WWP2: variants seen among roughly 807,000 people sequenced by gnomAD.
WWP2 encodes WW domain containing E3 ubiquitin protein ligase 2, also known as NEDD4-like E3 ubiquitin-protein ligase WWP2.
In WWP2, 57 loss-of-function variants were observed where a neutral mutation model predicts 121.0. The observed-to-expected ratio is 0.47, with a 90% CI of 0.38 to 0.59. The LOEUF (loss-of-function observed/expected upper bound fraction) is 0.59. Ranked by LOEUF, WWP2 falls within the 20% of genes least tolerant of loss-of-function variation. The pLI is 0.00. For missense variants in WWP2, 962 were observed against 1,158.9 expected (o/e 0.83, Z 2.47); for synonymous variants, 449 against 441.3 (o/e 1.02, Z -0.22).
rs750013131 is a variant in WWP2 at position 69,799,123 on chromosome 16, G to C, written c.219-51G>C. 3.8e-6 allele frequency: 6 copies of C among 1,571,822 alleles called. No homozygotes were observed. The South Asian group carries it at 7.1e-5, about 19-fold the overall frequency. On this transcript the variant is annotated intron_variant, in intron 3 of 23. Transcript: ENST00000359154. The surrounding 1 kb of genome is among the most constrained non-coding windows in gnomAD (Gnocchi z 4.5). The stretch of plus-strand genomic sequence containing the variant: ...GTTTAGTTTAAATGTTTTCTTCTAA[G>C]TTATAGGAATGATCTGCTTGGATGT...
At chr16:69,938,614 C>G (rs1296697039) in intron 21 of WWP2, among the ~76,000 whole-genome samples, 1 of 152,036 alleles carries the variant, frequency 6.6e-6, no homozygotes, top group Non-Finnish European at 1.5e-5. Context: ...CCACTGCACT[C>G]CAGCCTGGGC....
intron 9 of WWP2, 157 bp from the exon 10 acceptor site, chr16:69,917,552 T>C: frequency 7.9e-6 from 6 of 754,792 alleles, no homozygotes; most frequent in Non-Finnish European, 1.0e-5. Context: ...GATTGGGTGC[T>C]GCAGAGGCAA....
intron 6 of WWP2, among the ~76,000 whole-genome samples, chr16:69,857,984 G>T (rs1330852815): frequency 1.3e-5 from 2 of 151,972 alleles, no homozygotes; most frequent in African/African-American, 4.8e-5. Flanking sequence ...ATGACACAAA[G>T]AAAATTTAAT....
rs142732281 is a variant in WWP2 at position 69,859,268 on chromosome 16, C to T, written c.576-12536C>T. ...GGAAGAATTCATATCAAAGGTCATTCAGGGCTGGGCACAGTGGCTCACGCC... is the reference window on the plus strand; with the variant it reads ...GGAAGAATTCATATCAAAGGTCATTTAGGGCTGGGCACAGTGGCTCACGCC... On this transcript the variant is annotated intron_variant, in intron 6 of 23. Coordinates refer to ENST00000359154, the MANE Select transcript of WWP2 (RefSeq NM_001270454.2). 4.4e-3 allele frequency among the ~76,000 whole-genome samples: 666 copies of T among 152,260 alleles called. 5 individuals carry two copies. Among genetic ancestry groups the T allele is most frequent in the Non-Finnish European group, 7.9e-3 (540 of 68,016 alleles).
intron 4 of WWP2, among the ~76,000 whole-genome samples, chr16:69,810,148 C>T (rs1169445495): frequency 6.6e-6 from 1 of 152,246 alleles, no homozygotes; most frequent in Admixed American, 6.5e-5. Context: ...CTTTCATTTG[C>T]TCCCTTGTTT....
At chr16:69,762,950 G>A (rs1286825704) in intron 1 of WWP2, among the ~76,000 whole-genome samples, 1 of 151,992 alleles carries the variant, frequency 6.6e-6, no homozygotes, top group Non-Finnish European at 1.5e-5. Flanking sequence ...TGCTTCCCTC[G>A]CGCCCACTTA....
At chr16:69,879,509 G>A (rs1210017742) in intron 7 of WWP2, among the ~76,000 whole-genome samples, 3 of 151,976 alleles carry the variant, frequency 2.0e-5, no homozygotes, top group Non-Finnish European at 2.9e-5. Flanking sequence ...TTCACTTAAT[G>A]TGGCATTTTT....
chr16:69,929,599 G>A, intron 12 of WWP2, 70 bp downstream of exon 12: 1 of 1,410,182 alleles, frequency 7.1e-7, no homozygotes, highest in Non-Finnish European at 1.0e-6. Context: ...CTGGGCAGGT[G>A]GCTTTGGACT....
chr16:69,917,804 G>T lies in WWP2; in HGVS notation c.1100G>T (p.Arg367Leu). 6.2e-7 allele frequency: 1 copy of T among 1,614,082 alleles called. No individual in the cohort carries two copies. Among genetic ancestry groups the T allele is most frequent in the South Asian group, 1.1e-5 (1 of 91,090 alleles). Reference protein sequence around the residue: ...TWQRPTAEYVRNYEQWQSQRN... With the variant: ...TWQRPTAEYVLNYEQWQSQRN... ...CAGCGTCCGACCGCGGAGTACGTGC[G>T]CAACTATGAGCAGTGGCAGTCGCAG... The change falls in exon 10 of 24, where the codon CGC becomes CTC. Residue 367 changes from arginine (R) to leucine (L), a missense_variant. Around this residue, in one of 3 missense-constraint regions of WWP2, gnomAD observed 606 missense variants for 772.6 expected, o/e 0.78. Transcript: ENST00000359154.
chr16:69,938,086 G>A (rs1032657080), intron 21 of WWP2, among the ~76,000 whole-genome samples: 3 of 152,142 alleles, frequency 2.0e-5, no homozygotes, highest in South Asian at 2.1e-4. Context: ...AAAAAATAGC[G>A]ATTACAGGTA....
Position 69,937,578 on chromosome 16 carries a change from A to G in WWP2, c.2269A>G (p.Met757Val), listed in dbSNP as rs770613073. The G allele has an allele frequency of 6.2e-6, 10 of 1,613,982 alleles. No individual in the cohort carries two copies. Among genetic ancestry groups the G allele is most frequent in the Non-Finnish European group, 8.5e-6 (10 of 1,180,002 alleles). Residue 757 changes from methionine (M) to valine (V), a missense_variant, in exon 21 of 24, where the codon ATG becomes GTG. By Grantham distance (21) the Met-to-Val change is conservative. This residue lies in a region of WWP2 where 606 missense variants were observed against 772.6 expected (regional missense o/e 0.78). Transcript: ENST00000359154. This position sits in a 1 kb window ranked among gnomAD's most constrained non-coding sequence, Gnocchi z 6.6. Reference protein sequence around the residue: ...LMLCGMQEIDMSDWQKSTIYR... With the variant: ...LMLCGMQEIDVSDWQKSTIYR... ...GCTGTGCGGCATGCAGGAGATAGAC[A>G]TGAGCGACTGGCAGAAGAGCACCAT... is the stretch of plus-strand genomic sequence containing the variant.
intron 8 of WWP2, among the ~76,000 whole-genome samples, chr16:69,903,725 G>T (rs958364947): frequency 3.4e-5 from 5 of 148,700 alleles, no homozygotes. Context: ...CCGAGATTGC[G>T]CCACTGCCCT....
At chr16:69,821,539 G>A (rs983634280) in intron 4 of WWP2, among the ~76,000 whole-genome samples, 2 of 152,152 alleles carry the variant, frequency 1.3e-5, no homozygotes, top group African/African-American at 2.4e-5. Context: ...GTGAGGTGTC[G>A]GCTTTGGAAG....
At chr16:69,774,978 A>AAAAG (rs1555543957) in intron 1 of WWP2, 1 of 152,654 alleles carries the variant, frequency 6.6e-6, no homozygotes, top group Admixed American at 6.6e-5. Context: ...AAAAAAAAAA[A>AAAAG]AAAAGAAAAG....
rs184500987 is a variant in WWP2, at chr16:69,833,633, G to A, written c.341-6493G>A. Among the ~76,000 whole-genome samples, 10 of 152,356 alleles carry A rather than the reference G, an allele frequency of 6.6e-5. No individual in the cohort carries two copies. In the East Asian group the frequency reaches 1.9e-3, roughly 29 times the overall value. On this transcript the variant is annotated intron_variant, in intron 4 of 23. Coordinates refer to ENST00000359154, the MANE Select transcript of WWP2 (RefSeq NM_001270454.2). ...TAACCAGTTATTACTTAGAACAGAA[G>A]GGTGCAGTCGTATAGCTGAAGAAGT...
chr16:69,931,184 G>A lies in WWP2; in HGVS notation c.1478G>A (p.Arg493His). The A allele has an allele frequency of 2.5e-6, 4 of 1,614,138 alleles. No individual in the cohort carries two copies. The highest frequency in any genetic ancestry group is 2.5e-6 in the Non-Finnish European group (3 of 1,180,010). Residue 493 changes from arginine (R) to histidine (H), a missense_variant, in exon 14 of 24, where the codon CGC becomes CAC. By Grantham distance (29) the Arg-to-His change is conservative. Transcript: ENST00000359154. ...TKQGSPGAYD[R>H]SFRWKYHQFR... Reference sequence around the variant, plus strand: ...CAAGGTTCCCCTGGTGCTTATGACCGCAGTTTTCGGTGGAAGTATCACCAG... The same window carrying A: ...CAAGGTTCCCCTGGTGCTTATGACCACAGTTTTCGGTGGAAGTATCACCAG...
intron 4 of WWP2, among the ~76,000 whole-genome samples, chr16:69,833,915 A>G (rs139615581): frequency 1.3e-5 from 2 of 152,080 alleles, no homozygotes; most frequent in Non-Finnish European, 2.9e-5. Context: ...GGGGCTTTCT[A>G]ACTCATGCTA....
intron 7 of WWP2, among the ~76,000 whole-genome samples, chr16:69,877,566 C>T (rs76655195): frequency 0.017 from 2,626 of 152,196 alleles, 76 homozygotes; most frequent in African/African-American, 0.059. Context: ...CCTTTGCATT[C>T]GCAACTTGGC....
chr16:69,921,292 T>G (rs1167173801), intron 10 of WWP2, among the ~76,000 whole-genome samples: 1 of 152,200 alleles, frequency 6.6e-6, no homozygotes, highest in Non-Finnish European at 1.5e-5. Context: ...TTTCATATAG[T>G]TATTTTGGGG....
Sources: allele counts gnomAD v4.1 joint callset (sites outside exome capture counted in the v4.1 genomes callset), GRCh38; gene constraint gnomAD v4.1.1; regional missense constraint gnomAD v4.1.1; non-coding constraint Gnocchi (gnomAD v3.1); transcripts MANE v1.5; gene names NCBI Gene and HGNC (gene_info 2026-07-23, HGNC 2026-07-21).